The following SCIN variants were observed in gnomAD, a reference collection of about 807,000 sequenced individuals.
SCIN encodes the protein adseverin.
SCIN carries 91 observed loss-of-function variants against 91.8 expected under a neutral mutation model. The observed-to-expected ratio is 0.99, with a 90% CI of 0.84 to 1.18. The LOEUF (loss-of-function observed/expected upper bound fraction) is 1.18. SCIN is among the 50% of genes most tolerant of loss of function. The pLI is 0.00. For synonymous variants in SCIN, 367 were observed against 312.6 expected (o/e 1.17, Z -1.84); for missense variants, 1,087 against 863.9 (o/e 1.26, Z -3.24).
chr7:12,647,524 G>C (rs956085372), intron 13 of SCIN, among the ~76,000 whole-genome samples: 7 of 152,168 alleles, frequency 4.6e-5, no homozygotes, highest in African/African-American at 1.7e-4. Context: ...AGCCTGTCTG[G>C]GCTGTAGTTG....
intron 3 of SCIN, among the ~76,000 whole-genome samples, chr7:12,599,481 G>A (rs1782912706): frequency 6.6e-6 from 1 of 152,012 alleles, no homozygotes; most frequent in South Asian, 2.1e-4. Context: ...TGCTATACAC[G>A]TGTGTGCAAG....
chr7:12,585,622 G>T (rs1389616977), intron 3 of SCIN, among the ~76,000 whole-genome samples: 2 of 152,026 alleles, frequency 1.3e-5, no homozygotes, highest in Non-Finnish European at 2.9e-5. Context: ...CTTATTAATG[G>T]AGCCACCACT....
intron 4 of SCIN, among the ~76,000 whole-genome samples, chr7:12,611,513 T>C (rs1173699429): frequency 6.6e-6 from 1 of 152,140 alleles, no homozygotes; most frequent in Non-Finnish European, 1.5e-5. Flanking sequence ...TACATTTAAA[T>C]AAAGAATGAT....
intron 4 of SCIN, among the ~76,000 whole-genome samples, chr7:12,611,486 T>C (rs1037782645): frequency 6.6e-6 from 1 of 152,178 alleles, no homozygotes; most frequent in East Asian, 1.9e-4. Context: ...TTTAATATTT[T>C]AATGAAAATA....
intron 3 of SCIN, among the ~76,000 whole-genome samples, chr7:12,598,999 GTTA>G (rs1387921137): frequency 2.0e-5 from 3 of 152,102 alleles, no homozygotes; most frequent in Non-Finnish European, 2.9e-5. Flanking sequence ...TACAATTAAA[GTTA>G]TTATTTTATT....
In SCIN at chr7:12,635,077, G is replaced by A. The variant is rs1373602982; in HGVS notation, c.1320-968G>A. 2.0e-5 allele frequency among the ~76,000 whole-genome samples: 3 copies of A among 151,962 alleles called. No homozygotes were observed. The East Asian group carries it at 5.8e-4, about 29-fold the overall frequency. On this transcript the variant is annotated intron_variant, in intron 9 of 15. Transcript: ENST00000297029. Reference sequence around the variant, plus strand: ...CCCAGCTACTCAGGAGGCTGAGGCAGGAGAATTGCTTGAACCTGGGAGGTG... The same window carrying A: ...CCCAGCTACTCAGGAGGCTGAGGCAAGAGAATTGCTTGAACCTGGGAGGTG...
chr7:12,614,515 G>A (rs1661142945), intron 4 of SCIN, among the ~76,000 whole-genome samples: 1 of 152,086 alleles, frequency 6.6e-6, no homozygotes, highest in Admixed American at 6.6e-5. Flanking sequence ...CAAGGACTTG[G>A]GGGCAGGTTG....
chr7:12,656,814 T>G lies in SCIN; in HGVS notation c.*4099T>G, dbSNP rs984887041. The G allele has an allele frequency of 5.3e-5, 8 of 151,478 alleles. No individual in the cohort carries two copies. The highest frequency in any genetic ancestry group is 1.9e-4 in the African/African-American group (8 of 41,140). The allele number at this position is 151,478 out of a possible 1,614,324, so 9.4% of individuals were successfully genotyped here. On this transcript the variant is annotated 3_prime_UTR_variant, in exon 16 of 16. Coordinates refer to ENST00000297029, the MANE Select transcript of SCIN (RefSeq NM_001112706.3). ...GGCGGGCGCCTGTAATCCTAGCTAC[T>G]CGGGAGGCTGAGGCAGGAGAATCGC...
In SCIN at chr7:12,585,602, T is replaced by A. The variant is rs555592246; in HGVS notation, c.516+4381T>A. 3.9e-5 allele frequency among the ~76,000 whole-genome samples: 6 copies of A among 152,234 alleles called. No individual in the cohort carries two copies. In the South Asian group the frequency reaches 8.3e-4, roughly 21 times the overall value. On this transcript the variant is annotated intron_variant, in intron 3 of 15. Transcript: ENST00000297029. ...ATCTAGAAAATGATTTCTTCTCTAA[T>A]TGTCTTTATCTTATTAATGGAGCCA... is the stretch of plus-strand genomic sequence containing the variant.
intron 4 of SCIN, among the ~76,000 whole-genome samples, chr7:12,607,301 C>T (rs890104927): frequency 1.3e-5 from 2 of 152,170 alleles, no homozygotes; most frequent in Non-Finnish European, 2.9e-5. Context: ...GTTTAATTAC[C>T]ACTCATTTGC....
intron 11 of SCIN, 99 bp from the exon 12 acceptor site, chr7:12,644,039 G>A (rs925433470): frequency 1.9e-6 from 2 of 1,066,394 alleles, no homozygotes; most frequent in South Asian, 1.5e-5. Flanking sequence ...TAGGGCAGAA[G>A]GCGATGTATG....
chr7:12,614,115 T>C (rs1425285187), intron 4 of SCIN, among the ~76,000 whole-genome samples: 1 of 152,210 alleles, frequency 6.6e-6, no homozygotes, highest in Non-Finnish European at 1.5e-5. Flanking sequence ...GAGCAAATGC[T>C]CTACAATTGC....
intron 14 of SCIN, 79 bp downstream of exon 14, chr7:12,649,623 G>C: frequency 2.2e-6 from 2 of 903,720 alleles, no homozygotes; most frequent in Non-Finnish European, 3.5e-6. Flanking sequence ...GAAATGGTAA[G>C]TCTAGATATA....
intron 3 of SCIN, among the ~76,000 whole-genome samples, chr7:12,582,912 T>G (rs1782517891): frequency 6.6e-6 from 1 of 152,192 alleles, no homozygotes; most frequent in South Asian, 2.1e-4. Flanking sequence ...TCTAAAGCCC[T>G]TTATAAGTGC....
chr7:12,604,525 G>A lies in SCIN; in HGVS notation c.528G>A (p.Gln176=), dbSNP rs780783245. The A allele has an allele frequency of 6.4e-7, 1 of 1,551,594 alleles. No individual in the cohort carries two copies. The highest frequency in any genetic ancestry group is 1.2e-5 in the South Asian group (1 of 84,048). The change falls in exon 4 of 16, where the codon CAG becomes CAA. Residue 176 remains glutamine (Q), a synonymous_variant. Transcript: ENST00000297029. ...TCTCTTTCTTTTAGGAAATTTATCA[G>A]TGGTGTGGTTCCTCGTGCAACAAAT... ...FIIDLGTEIY[Q]WCGSSCNKYE...
intron 11 of SCIN, among the ~76,000 whole-genome samples, chr7:12,642,559 C>T (rs948981413): frequency 2.7e-5 from 4 of 150,844 alleles, no homozygotes; most frequent in African/African-American, 9.8e-5. Context: ...CTTTTTAAAG[C>T]CAGTTCTCTC....
rs369400467 is a variant in SCIN at position 12,629,235 on chromosome 7, G to A, written c.1319+13G>A. 6.0e-5 allele frequency: 95 copies of A among 1,591,974 alleles called. No homozygotes were observed. Among genetic ancestry groups the A allele is most frequent in the Admixed American group, 5.0e-4 (28 of 55,628 alleles). The stretch of plus-strand genomic sequence containing the variant: ...TTATCTACACGTGGTGAGTTTATAC[G>A]GGTAAAGATCTCGAGTTCCACAGGA... On this transcript the variant is annotated intron_variant, in intron 9 of 15. Coordinates refer to ENST00000297029, the MANE Select transcript of SCIN (RefSeq NM_001112706.3).
intron 5 of SCIN, 97 bp from the exon 6 acceptor site, chr7:12,624,913 G>T: frequency 3.4e-6 from 4 of 1,191,000 alleles, no homozygotes; most frequent in South Asian, 3.6e-5. Flanking sequence ...TTTATTTGAT[G>T]ACATTTACCG....
At position 12,625,869 on chromosome 7, in the gene SCIN, T is replaced by G; in HGVS notation, c.981+19T>G. Reference sequence around the variant, plus strand: ...TACCCAAGTATGTGTGAAACTGAACTGGCTAGAAAAAAATAGAAAACATTG... The same window carrying G: ...TACCCAAGTATGTGTGAAACTGAACGGGCTAGAAAAAAATAGAAAACATTG... On this transcript the variant is annotated intron_variant, in intron 7 of 15. Transcript: ENST00000297029. 6.4e-7 allele frequency: 1 copy of G among 1,551,398 alleles called. No homozygotes were observed. The highest frequency in any genetic ancestry group is 1.2e-5 in the South Asian group (1 of 85,614).
Sources: gnomAD v4.1 joint callset for allele counts (sites outside exome capture counted in the v4.1 genomes callset) on GRCh38, gnomAD v4.1.1 for gene constraint, MANE v1.5 for transcripts, NCBI Gene and HGNC (gene_info 2026-07-23, HGNC 2026-07-21) for gene names.